RUBCN: variants seen among roughly 807,000 people sequenced by gnomAD.
RUBCN encodes rubicon autophagy regulator.
In RUBCN, 74 loss-of-function variants were observed where a neutral mutation model predicts 113.2. The observed-to-expected ratio is 0.65, with a 90% CI of 0.54 to 0.79. The LOEUF is 0.79. Ranked by LOEUF, RUBCN falls within the 30% of genes least tolerant of loss-of-function variation. The pLI, the probability that RUBCN is intolerant of heterozygous loss-of-function variation, is 0.00. For missense variants in RUBCN, 1,109 were observed against 1,251.7 expected (o/e 0.89, Z 1.72); for synonymous variants, 480 against 490.0 (o/e 0.98, Z 0.27).
In RUBCN at chr3:197,729,532, C is replaced by A. The variant is rs1044301770; in HGVS notation, c.65+7123G>T. Among the ~76,000 whole-genome samples, 4 of 151,970 alleles carry A rather than the reference C, an allele frequency of 2.6e-5. No individual in the cohort carries two copies. In the Admixed American group the frequency reaches 2.6e-4, roughly 10 times the overall value. ...CCTCCCAAAGTGCTGGGATTACAGG[C>A]GTGAGCCACCGCGTCCGGCCCCTGC... On this transcript the variant is annotated intron_variant, in intron 1 of 19. Coordinates refer to ENST00000296343, the MANE Select transcript of RUBCN (RefSeq NM_014687.4).
intron 18 of RUBCN, 159 bp downstream of exon 18, chr3:197,676,726 C>T (rs1319617811): frequency 6.7e-7 from 1 of 1,495,140 alleles, no homozygotes; most frequent in African/African-American, 1.4e-5. Flanking sequence ...TTTGGCTGCT[C>T]TCCAGGCTAA....
upstream of RUBCN, among the ~76,000 whole-genome samples, chr3:197,738,793 T>C (rs918701047): frequency 6.6e-6 from 1 of 151,882 alleles, no homozygotes; most frequent in Non-Finnish European, 1.5e-5. Flanking sequence ...GGTCTCACTG[T>C]GCTGCCTAAG....
chr3:197,742,694 C>T (rs1728575120), intron 1 of RUBCN, among the ~76,000 whole-genome samples: 1 of 152,218 alleles, frequency 6.6e-6, no homozygotes, highest in South Asian at 2.1e-4. Context: ...AGCCTGGGCT[C>T]CTCATCCCAG....
intron 2 of RUBCN, among the ~76,000 whole-genome samples, chr3:197,706,317 C>G (rs1044907628): frequency 3.3e-5 from 5 of 152,158 alleles, no homozygotes; most frequent in Admixed American, 6.5e-5. Context: ...ATAACCTTTT[C>G]TGAGACTACT....
At position 197,681,941 on chromosome 3, in the gene RUBCN, C is replaced by T. The variant is rs372779025; in HGVS notation, c.2127-42G>A. 2.9e-5 allele frequency: 44 copies of T among 1,511,810 alleles called. No homozygotes were observed. Among genetic ancestry groups the T allele is most frequent in the Admixed American group, 2.2e-4 (13 of 59,830 alleles). 93.6% of individuals were successfully genotyped at this position (1,511,810 alleles called of 1,614,324 possible). A position where few individuals can be genotyped will look rare whatever the true frequency, so the allele number is the denominator to read the frequency against. On this transcript the variant is annotated intron_variant, in intron 14 of 19. Transcript: ENST00000296343. This position sits in a 1 kb window ranked among gnomAD's most constrained non-coding sequence, Gnocchi z 5.5. Reference sequence around the variant, plus strand: ...ACAGGGCATTGGCACAGAGCAGCTGCGTGAGACCTTGGAGGTGTGAAGGAG... The same window carrying T: ...ACAGGGCATTGGCACAGAGCAGCTGTGTGAGACCTTGGAGGTGTGAAGGAG...
chr3:197,732,755 C>A (rs1192746899), intron 1 of RUBCN, among the ~76,000 whole-genome samples: 1 of 152,214 alleles, frequency 6.6e-6, no homozygotes. Flanking sequence ...ATCACCTAAG[C>A]ACACTACCGG....
intron 2 of RUBCN, among the ~76,000 whole-genome samples, chr3:197,714,871 CAA>C (rs772137023): frequency 6.6e-6 from 1 of 151,916 alleles, no homozygotes; most frequent in Non-Finnish European, 1.5e-5. Context: ...TATCCAGAAC[CAA>C]AATGTATTTA....
At chr3:197,680,348 C>CTACG (rs1721067941) in intron 16 of RUBCN, among the ~76,000 whole-genome samples, 1 of 142,404 alleles carries the variant, frequency 7.0e-6, no homozygotes, top group Non-Finnish European at 1.5e-5. Flanking sequence ...CCAGACTGTC[C>CTACG]TACGCTCTAA....
chr3:197,721,340 A>G (rs73210130), intron 1 of RUBCN, among the ~76,000 whole-genome samples: 1 of 152,258 alleles, frequency 6.6e-6, no homozygotes, highest in Non-Finnish European at 1.5e-5. Context: ...AGTGTCGGTA[A>G]GCTGTATGTG....
exon 1 of RUBCN, chr3:197,749,312 GTGCCAGA>G: frequency 8.7e-7 from 1 of 1,143,222 alleles, no homozygotes; most frequent in Non-Finnish European, 1.1e-6. Flanking sequence ...AGTGAACACC[GTGCCAGA>G]TGTTTTGAGA....
At position 197,677,393 on chromosome 3, in the gene RUBCN, C is replaced by T. The variant is rs140397045; in HGVS notation, c.2492+87G>A. 5.9e-3 allele frequency: 6,694 copies of T among 1,126,384 alleles called. 48 individuals carry two copies. Among genetic ancestry groups the T allele is most frequent in the South Asian group, 0.019 (1,523 of 81,088 alleles). The allele number at this position is 1,126,384 out of a possible 1,614,324, so 69.8% of individuals were successfully genotyped here. A position where few individuals can be genotyped will look rare whatever the true frequency, so the allele number is the denominator to read the frequency against. ...TCTGCAAAATCTCTCTACTCTCCTT[C>T]GTTACATAACAAGAGCCAAGCGCGG... On this transcript the variant is annotated intron_variant, in intron 17 of 19. Transcript: ENST00000296343.
chr3:197,738,003 C>G (rs1434421407), upstream of RUBCN, among the ~76,000 whole-genome samples: 1 of 152,154 alleles, frequency 6.6e-6, no homozygotes, highest in Admixed American at 6.5e-5. Flanking sequence ...GTCCTCCTTC[C>G]TCAGCCTCCT....
intron 18 of RUBCN, among the ~76,000 whole-genome samples, chr3:197,676,064 T>A (rs1035027093): frequency 5.3e-5 from 8 of 152,194 alleles, no homozygotes; most frequent in African/African-American, 1.9e-4. Context: ...ATTTTCAACA[T>A]GTTGAGTAGA....
At chr3:197,689,027 CTT>C (rs1309240033) in intron 11 of RUBCN, among the ~76,000 whole-genome samples, 64 of 136,318 alleles carry the variant, frequency 4.7e-4, no homozygotes, top group Admixed American at 5.9e-4. Context: ...TGGGTGAATT[CTT>C]TTTTTTTTTT....
At chr3:197,684,135 T>C in intron 12 of RUBCN, 22 bp downstream of exon 12, 1 of 1,581,220 alleles carries the variant, frequency 6.3e-7, no homozygotes, top group Non-Finnish European at 8.7e-7. Flanking sequence ...TTTTCTTTTT[T>C]TTGGTAAAAA....
intron 5 of RUBCN, among the ~76,000 whole-genome samples, chr3:197,702,428 C>T (rs186755101): frequency 1.9e-4 from 29 of 152,234 alleles, no homozygotes; most frequent in Admixed American, 1.5e-3. Context: ...TTTGGGAGGC[C>T]AAGGCGGGCA....
At position 197,676,990 on chromosome 3, in the gene RUBCN, G is replaced by C; in HGVS notation, c.2541C>G (p.Leu847=). 6.2e-7 allele frequency: 1 copy of C among 1,614,090 alleles called. No individual in the cohort carries two copies. Among genetic ancestry groups the C allele is most frequent in the Non-Finnish European group, 8.5e-7 (1 of 1,180,032 alleles). ...TCAGGTCATTCAGTGAGTACAGGTG[G>C]AGGTCCTCTGTCAGGTGGCCTGGGA... ...DTVPGHLTED[L]HLYSLNDLTA... is the part of the protein sequence containing the mutation. The change falls in exon 18 of 20, where the codon CTC becomes CTG. Residue 847 remains leucine (L), a synonymous_variant. Transcript: ENST00000296343.
At chr3:197,718,995 ACT>A (rs1355593912) in intron 1 of RUBCN, among the ~76,000 whole-genome samples, 27 of 152,180 alleles carry the variant, frequency 1.8e-4, no homozygotes, top group African/African-American at 6.3e-4. Flanking sequence ...TTGCCCAGTG[ACT>A]CTGCATATCC....
intron 1 of RUBCN, among the ~76,000 whole-genome samples, chr3:197,721,059 G>A (rs1440113612): frequency 6.6e-6 from 1 of 152,050 alleles, no homozygotes; most frequent in African/African-American, 2.4e-5. Flanking sequence ...CTCATCGGGG[G>A]TACTAGCCTG....
Sources: allele counts gnomAD v4.1 joint callset (sites outside exome capture counted in the v4.1 genomes callset), GRCh38; gene constraint gnomAD v4.1.1; non-coding constraint Gnocchi (gnomAD v3.1); transcripts MANE v1.5; gene names NCBI Gene and HGNC (gene_info 2026-07-23, HGNC 2026-07-21).